The following UTRN variants were observed in gnomAD, a reference collection of about 807,000 sequenced individuals.
The protein encoded by UTRN is utrophin.
A neutral mutation model predicts 463.9 loss-of-function variants in UTRN; 283 were observed. That is an observed-to-expected ratio of 0.61 (90% confidence interval 0.55 to 0.67). UTRN has a LOEUF of 0.67. UTRN is among the 30% of genes least tolerant of loss of function. UTRN has a pLI of 0.00. For synonymous variants in UTRN, 1,442 were observed against 1,431.5 expected (o/e 1.01, Z -0.17); for missense variants, 3,922 against 4,084.3 (o/e 0.96, Z 1.08).
intron 2 of UTRN, among the ~76,000 whole-genome samples, chr6:144,346,334 T>A (rs1777566665): frequency 6.6e-6 from 1 of 152,176 alleles, no homozygotes; most frequent in African/African-American, 2.4e-5. Context: ...ATAGCATTTT[T>A]AAAATTAAAA....
chr6:144,657,250 C>CAAAAAAA (rs11400052), intron 51 of UTRN, among the ~76,000 whole-genome samples: 2 of 68,860 alleles, frequency 2.9e-5, no homozygotes, highest in Non-Finnish European at 6.3e-5. Flanking sequence ...AACTCCATCT[C>CAAAAAAA]AAAAAAAAAA....
intron 49 of UTRN, among the ~76,000 whole-genome samples, 168 bp from the exon 50 acceptor site, chr6:144,556,989 A>C (rs1440787534): frequency 6.6e-6 from 1 of 152,208 alleles, no homozygotes; most frequent in African/African-American, 2.4e-5. Flanking sequence ...CACTTCTACT[A>C]ATTTTGGTTT....
In UTRN at chr6:144,542,788, G is replaced by A. The variant is rs766550617; in HGVS notation, c.6520-7G>A. On this transcript the variant is annotated splice_polypyrimidine_tract_variant and splice_region_variant and intron_variant, in intron 45 of 74. Coordinates refer to ENST00000367545, the MANE Select transcript of UTRN (RefSeq NM_007124.3). Reference sequence around the variant, plus strand: ...TTCTTCTCTTTCTGTTTGTCCTGATGCGGTAGATTTGCAGAGAGGTGCCTA... The same window carrying A: ...TTCTTCTCTTTCTGTTTGTCCTGATACGGTAGATTTGCAGAGAGGTGCCTA... The A allele has an allele frequency of 2.5e-6, 4 of 1,612,688 alleles. No individual in the cohort carries two copies. The South Asian group carries it at 4.4e-5, about 18-fold the overall frequency.
At position 144,403,107 on chromosome 6, in the gene UTRN, T is replaced by C. The variant is rs750295668; in HGVS notation, c.80-16T>C. The C allele has an allele frequency of 1.9e-6, 3 of 1,610,690 alleles. No individual in the cohort carries two copies. The highest frequency in any genetic ancestry group is 1.7e-4 in the Middle Eastern group (1 of 6,054). ...CTCTCATACTTTTTCCTTCTCTTTC[T>C]TTTTCCATTCCACAGATGAACACAA... On this transcript the variant is annotated splice_polypyrimidine_tract_variant and intron_variant, in intron 2 of 74. Coordinates refer to ENST00000367545, the MANE Select transcript of UTRN (RefSeq NM_007124.3).
At position 144,851,526 on chromosome 6, in the gene UTRN, C is replaced by T. The variant is rs1782482960; in HGVS notation, c.*529C>T. On this transcript the variant is annotated 3_prime_UTR_variant, in exon 75 of 75. Coordinates refer to ENST00000367545, the MANE Select transcript of UTRN (RefSeq NM_007124.3). ...TATCAGCCATATAACCAACTAGATC[C>T]CAAATAGATCCATGTATTTGTTTCC... is the stretch of plus-strand genomic sequence containing the variant. 6.5e-6 allele frequency: 1 copy of T among 154,266 alleles called. No individual in the cohort carries two copies. Among genetic ancestry groups the T allele is most frequent in the East Asian group, 1.9e-4 (1 of 5,244 alleles). The allele number at this position is 154,266 out of a possible 1,614,324, so 9.6% of individuals were successfully genotyped here.
chr6:144,673,657 A>G (rs62427191), intron 51 of UTRN, among the ~76,000 whole-genome samples: 8,238 of 152,170 alleles, frequency 0.054, 243 homozygotes, highest in African/African-American at 0.072. Context: ...TAGTATTGAG[A>G]TGTGAGGTAC....
chr6:144,712,842 G>A (rs1785889622), intron 53 of UTRN, among the ~76,000 whole-genome samples: 1 of 152,190 alleles, frequency 6.6e-6, no homozygotes, highest in African/African-American at 2.4e-5. Context: ...CTTGGAATAA[G>A]TAAGAAATCA....
At chr6:144,521,491 T>G (rs568507443) in intron 39 of UTRN, among the ~76,000 whole-genome samples, 1 of 152,338 alleles carries the variant, frequency 6.6e-6, no homozygotes, top group African/African-American at 2.4e-5. Context: ...TGGATATTAC[T>G]TTAATCAAAA....
intron 19 of UTRN, among the ~76,000 whole-genome samples, chr6:144,456,695 T>C (rs997187673): frequency 4.1e-5 from 6 of 146,384 alleles, no homozygotes; most frequent in Non-Finnish European, 9.0e-5. Flanking sequence ...ATAATAATAA[T>C]AAATAAAATA....
chr6:144,515,424 T>C (rs968428587), intron 37 of UTRN, among the ~76,000 whole-genome samples: 2 of 152,164 alleles, frequency 1.3e-5, no homozygotes, highest in Non-Finnish European at 2.9e-5. Flanking sequence ...TTAAACCCTT[T>C]ATTTTATGGT....
intron 54 of UTRN, 124 bp from the exon 55 acceptor site, chr6:144,748,122 C>G (rs1562857151): frequency 2.4e-6 from 3 of 1,254,568 alleles, no homozygotes; most frequent in East Asian, 5.2e-5. Context: ...CAATTTTTAC[C>G]CTGGAGTAAT....
chr6:144,373,610 G>T (rs1780198418), intron 2 of UTRN, among the ~76,000 whole-genome samples: 2 of 152,168 alleles, frequency 1.3e-5, no homozygotes, highest in Non-Finnish European at 2.9e-5. Flanking sequence ...GCACAACTTT[G>T]TGCATACAGT....
At chr6:144,555,876 TA>T (rs1260635982) in intron 49 of UTRN, among the ~76,000 whole-genome samples, 1 of 152,198 alleles carries the variant, frequency 6.6e-6, no homozygotes, top group African/African-American at 2.4e-5. Flanking sequence ...TTATTTTTAT[TA>T]ATAAGTTTTT....
intron 51 of UTRN, among the ~76,000 whole-genome samples, chr6:144,668,517 A>T (rs767361462): frequency 2.0e-5 from 3 of 152,234 alleles, no homozygotes; most frequent in Non-Finnish European, 4.4e-5. Context: ...CCATAGACTG[A>T]GTAGCTTATA....
intron 51 of UTRN, among the ~76,000 whole-genome samples, chr6:144,610,773 G>A (rs1178660101): frequency 6.6e-6 from 1 of 152,178 alleles, no homozygotes; most frequent in African/African-American, 2.4e-5. Context: ...TACTTGAGAG[G>A]CTGAAGCAGG....
At chr6:144,555,075 A>G (rs528354801) in intron 49 of UTRN, among the ~76,000 whole-genome samples, 182 bp downstream of exon 49, 2 of 152,300 alleles carry the variant, frequency 1.3e-5, no homozygotes, top group African/African-American at 4.8e-5. Context: ...TTCTGGAGGC[A>G]TAACAAGTAA....
rs1791012078 is a variant in UTRN, at chr6:144,474,738, A to G, written c.3315A>G (p.Gln1105=). The G allele has an allele frequency of 6.2e-7, 1 of 1,613,038 alleles. No individual in the cohort carries two copies. The change falls in exon 25 of 75, where the codon CAA becomes CAG. Residue 1105 remains glutamine (Q), a synonymous_variant. Transcript: ENST00000367545. ...VQTRLGDYQT[Q]LEKLSKEIAT... is the part of the protein sequence containing the mutation. ...CAAGACTAGGTGACTACCAAACTCA[A>G]CTGGAGAAACTTAGCAAGGAGGTGA...
chr6:144,317,585 T>C (rs1006011937), intron 2 of UTRN, among the ~76,000 whole-genome samples: 2 of 151,982 alleles, frequency 1.3e-5, no homozygotes, highest in African/African-American at 2.4e-5. Context: ...TTAATAGAGA[T>C]GGGGTTTCAC....
At chr6:144,726,088 A>G (rs1311656029) in intron 53 of UTRN, among the ~76,000 whole-genome samples, 3 of 152,206 alleles carry the variant, frequency 2.0e-5, no homozygotes, top group Admixed American at 6.5e-5. Flanking sequence ...GCAAAATACA[A>G]TCTAAGACTC....
Sources: allele counts gnomAD v4.1 joint callset (sites outside exome capture counted in the v4.1 genomes callset), GRCh38; gene constraint gnomAD v4.1.1; transcripts MANE v1.5; gene names NCBI Gene and HGNC (gene_info 2026-07-23, HGNC 2026-07-21).